The following OPTN variants were observed in gnomAD, a reference collection of about 807,000 sequenced individuals.
OPTN encodes the protein optineurin.
Under a neutral mutation model 70.4 loss-of-function variants are expected in OPTN, and 54 were observed. The ratio of observed to expected loss-of-function variants is 0.77; its 90% CI spans 0.62 to 0.96. OPTN has a LOEUF of 0.96. Ranked by LOEUF, OPTN falls within the 40% of genes least tolerant of loss-of-function variation. The pLI, the probability that OPTN is intolerant of heterozygous loss-of-function variation, is 0.00. For synonymous variants in OPTN, 256 were observed against 248.5 expected (o/e 1.03, Z -0.28); for missense variants, 624 against 673.2 (o/e 0.93, Z 0.81).
Position 13,136,822 on chromosome 10 carries a change from G to A in OPTN, c.1690G>A (p.Asp564Asn). ...SCPKCGEVLP[D>N]IDTLQIHVMD... is the part of the protein sequence containing the mutation. ...CCCCAAGTGTGGAGAGGTTCTGCCT[G>A]ACATAGACACGTTACAGATTCACGT... Residue 564 changes from aspartate (D) to asparagine (N), a missense_variant, in exon 15 of 15, where the codon GAC becomes AAC. Physicochemically the swap from Asp to Asn is conservative, Grantham distance 23. Coordinates refer to ENST00000378747, the MANE Select transcript of OPTN (RefSeq NM_001008212.2). 1 of 1,614,178 alleles carries A rather than the reference G, an allele frequency of 6.2e-7. No homozygotes were observed. The highest frequency in any genetic ancestry group is 2.2e-5 in the East Asian group (1 of 44,888).
chr10:13,128,047 A>T lies in OPTN; in HGVS notation c.1401+144A>T, dbSNP rs937801764. On this transcript the variant is annotated intron_variant, in intron 12 of 14. Coordinates refer to ENST00000378747, the MANE Select transcript of OPTN (RefSeq NM_001008212.2). ...GAGTGTATTAAAACTTTAAAATTGA[A>T]ACATTTGGAAAGTGCTCAGTGGATC... 6 of 945,420 alleles carry T rather than the reference A, an allele frequency of 6.3e-6. No homozygotes were observed. In the South Asian group the frequency reaches 8.8e-5, roughly 14 times the overall value. 58.6% of individuals were successfully genotyped at this position (945,420 alleles called of 1,614,324 possible). A position where few individuals can be genotyped will look rare whatever the true frequency, so the allele number is the denominator to read the frequency against.
chr10:13,108,994 G>C, intron 2 of OPTN, 118 bp from the exon 3 acceptor site: 4 of 886,270 alleles, frequency 4.5e-6, no homozygotes, highest in Non-Finnish European at 3.8e-6. Context: ...TGTAACTGGA[G>C]AGAAAGTGGG....
In OPTN at chr10:13,126,014, C is replaced by G; in HGVS notation, c.1217C>G (p.Thr406Arg). 6.2e-7 allele frequency: 1 copy of G among 1,610,652 alleles called. No homozygotes were observed. Residue 406 changes from threonine (T) to arginine (R), a missense_variant, in exon 11 of 15, where the codon ACA (threonine) becomes AGA (arginine). Transcript: ENST00000378747. Reference protein sequence around the residue: ...LLQEHNNALKTIEELTRKESE... With the variant: ...LLQEHNNALKRIEELTRKESE... ...CAAGAACATAATAATGCATTGAAAA[C>G]AATTGAGGAACTAACAAGAAAAGAG...
chr10:13,114,762 A>ATATATAGTTATATAATTATATAAT (rs1833087792), intron 5 of OPTN, among the ~76,000 whole-genome samples: 27 of 83,754 alleles, frequency 3.2e-4, no homozygotes, highest in African/African-American at 1.4e-3. Flanking sequence ...ATATAATTGC[A>ATATATAGTTATATAATTATATAAT]TATATAATTA....
chr10:13,118,812 C>T (rs563813167), intron 6 of OPTN, 76 bp from the exon 7 acceptor site: 2 of 1,257,612 alleles, frequency 1.6e-6, no homozygotes, highest in African/African-American at 1.5e-5. Context: ...AAGCTGGTCC[C>T]AGTTATATTG....
At chr10:13,132,299 G>A (rs1833610229) in intron 13 of OPTN, 102 bp downstream of exon 13, 1 of 1,339,218 alleles carries the variant, frequency 7.5e-7, no homozygotes, top group Non-Finnish European at 1.0e-6. Flanking sequence ...GAATAGCTGT[G>A]TTCGCGCCAC....
intron 6 of OPTN, among the ~76,000 whole-genome samples, chr10:13,118,079 C>T (rs1833258856): frequency 6.6e-6 from 1 of 152,336 alleles, no homozygotes; most frequent in African/African-American, 2.4e-5. Flanking sequence ...ACCGCTTCCT[C>T]TTTTAAGCCA....
In OPTN at chr10:13,132,174, T is replaced by C. The variant is rs769148305; in HGVS notation, c.1509T>C (p.Asn503=). The C allele has an allele frequency of 1.9e-6, 3 of 1,613,034 alleles. No homozygotes were observed. In the African/African-American group the frequency reaches 4.0e-5, roughly 22 times the overall value. The change falls in exon 13 of 15, where the codon AAT becomes AAC. Residue 503 remains asparagine, a synonymous_variant. Coordinates refer to ENST00000378747, the MANE Select transcript of OPTN (RefSeq NM_001008212.2). ...ALQLAVLLKE[N]DAFEDGGRQS... The stretch of plus-strand genomic sequence containing the variant: ...AGCTGGCAGTTCTGCTGAAAGAGAA[T>C]GATGCTTTCGAAGACGGAGGCAGGT...
Position 13,125,939 on chromosome 10 carries a change from T to C in OPTN, c.1149-7T>C, listed in dbSNP as rs1220546960. On this transcript the variant is annotated splice_region_variant and splice_polypyrimidine_tract_variant and intron_variant, in intron 10 of 14. Transcript: ENST00000378747. ...AGGATTCCATTTTTTAATATCTTTTTTAATAGGTCCAAATTAACTGTGCTA... is the reference window on the plus strand; with the variant it reads ...AGGATTCCATTTTTTAATATCTTTTCTAATAGGTCCAAATTAACTGTGCTA... 2 of 1,593,630 alleles carry C rather than the reference T, an allele frequency of 1.3e-6. No homozygotes were observed. The highest frequency in any genetic ancestry group is 2.7e-5 in the African/African-American group (2 of 74,600).
At chr10:13,101,408 A>G (rs1055233147) in intron 1 of OPTN, among the ~76,000 whole-genome samples, 1 of 41,306 alleles carries the variant, frequency 2.4e-5, no homozygotes. Flanking sequence ...CCACCCCCCC[A>G]CCCACCCCCG....
chr10:13,106,137 A>G (rs539575882), intron 1 of OPTN, among the ~76,000 whole-genome samples: 1 of 152,324 alleles, frequency 6.6e-6, no homozygotes, highest in East Asian at 1.9e-4. Flanking sequence ...AATATAGTAT[A>G]ATCACTGAAT....
intron 11 of OPTN, 125 bp from the exon 12 acceptor site, chr10:13,127,620 T>C: frequency 9.6e-7 from 1 of 1,037,274 alleles, no homozygotes; most frequent in South Asian, 1.4e-5. Context: ...GCCTCTCAAT[T>C]CTAGGCATGA....
At chr10:13,116,431 G>C in intron 6 of OPTN, 91 bp downstream of exon 6, 1 of 852,318 alleles carries the variant, frequency 1.2e-6, no homozygotes, top group Non-Finnish European at 2.0e-6. Context: ...GTTGTGACCT[G>C]AGGAAGTAAC....
chr10:13,108,908 G>C (rs369171744), intron 2 of OPTN: 2 of 453,654 alleles, frequency 4.4e-6, no homozygotes, highest in South Asian at 2.2e-5. Flanking sequence ...ACACATGCGC[G>C]TGCACACACA....
At chr10:13,132,046 T>C in intron 12 of OPTN, 21 bp from the exon 13 acceptor site, 1 of 1,609,656 alleles carries the variant, frequency 6.2e-7, no homozygotes, top group Admixed American at 1.7e-5. Context: ...CTAACTTCTG[T>C]ATCTTTTTTT....
intron 5 of OPTN, among the ~76,000 whole-genome samples, chr10:13,114,917 A>T: frequency 1.3e-5 from 1 of 78,864 alleles, no homozygotes; most frequent in Non-Finnish European, 2.3e-5. Context: ...TTTTTATAAT[A>T]GATATATCTA....
Position 13,136,824 on chromosome 10 carries a change from C to T in OPTN, c.1692C>T (p.Asp564=), listed in dbSNP as rs1436516188. Residue 564 remains aspartate (D), a synonymous_variant, in exon 15 of 15, where the codon GAC becomes GAT. Coordinates refer to ENST00000378747, the MANE Select transcript of OPTN (RefSeq NM_001008212.2). ...CCAAGTGTGGAGAGGTTCTGCCTGA[C>T]ATAGACACGTTACAGATTCACGTGA... ...SCPKCGEVLP[D]IDTLQIHVMD... 1.9e-6 allele frequency: 3 copies of T among 1,614,088 alleles called. No homozygotes were observed. The highest frequency in any genetic ancestry group is 1.1e-5 in the South Asian group (1 of 91,090).
chr10:13,123,625 G>A (rs1833399826), intron 8 of OPTN, among the ~76,000 whole-genome samples: 1 of 152,200 alleles, frequency 6.6e-6, no homozygotes, highest in African/African-American at 2.4e-5. Flanking sequence ...AACATACACT[G>A]GGAAGAGAGT....
At chr10:13,114,800 A>ATATG (rs1833097800) in intron 5 of OPTN, among the ~76,000 whole-genome samples, 1 of 17,710 alleles carries the variant, frequency 5.6e-5, no homozygotes, top group African/African-American at 1.1e-4. Flanking sequence ...ATAATTATAT[A>ATATG]TACATATATA....
Sources: gnomAD v4.1 joint callset for allele counts (sites outside exome capture counted in the v4.1 genomes callset) on GRCh38, gnomAD v4.1.1 for gene constraint, MANE v1.5 for transcripts, NCBI Gene and HGNC (gene_info 2026-07-23, HGNC 2026-07-21) for gene names.